ACTN4: variants seen among roughly 807,000 people sequenced by gnomAD.
ACTN4 encodes alpha-actinin-4.
Under a neutral mutation model 114.2 loss-of-function variants are expected in ACTN4, and 18 were observed. The ratio of observed to expected loss-of-function variants is 0.16; its 90% confidence interval spans 0.11 to 0.23. The LOEUF (loss-of-function observed/expected upper bound fraction) is 0.23, where lower values mean the gene tolerates loss of function less well. Among genes scored for constraint, ACTN4 ranks in the 10% least tolerant of loss-of-function variants. ACTN4 has a pLI of 1.00. For synonymous variants in ACTN4, 515 were observed against 506.3 expected (o/e 1.02, Z -0.23); for missense variants, 722 against 1,262.9 (o/e 0.57, Z 6.49).
At chr19:38,725,256 C>G (rs756877683) in intron 16 of ACTN4, among the ~76,000 whole-genome samples, 8 of 152,204 alleles carry the variant, frequency 5.3e-5, no homozygotes, top group Non-Finnish European at 5.9e-5. Context: ...GGGTGCCAGG[C>G]AGGTCAGCCC....
intron 1 of ACTN4, among the ~76,000 whole-genome samples, chr19:38,674,990 G>T (rs146292452): frequency 6.6e-6 from 1 of 152,170 alleles, no homozygotes; most frequent in Admixed American, 6.5e-5. Flanking sequence ...GCTGAATGAC[G>T]TATCTGGGGG....
intron 5 of ACTN4, 105 bp from the exon 6 acceptor site, chr19:38,708,012 A>C: frequency 8.5e-7 from 1 of 1,181,442 alleles, no homozygotes; most frequent in Non-Finnish European, 1.3e-6. Flanking sequence ...CACAGGCCAG[A>C]CTGCAGTGAA....
In ACTN4 at chr19:38,672,734, C is replaced by T. The variant is rs556868286; in HGVS notation, c.162+24827C>T. On this transcript the variant is annotated intron_variant, in intron 1 of 20. Transcript: ENST00000252699. ...GATAACAGGCATGTGCCACCACACC[C>T]GGCTAATTTTGTATTTTTAGTAGAG... Among the ~76,000 whole-genome samples the T allele has an allele frequency of 3.0e-4, 45 of 151,058 alleles. No individual in the cohort carries two copies. In the East Asian group the frequency reaches 4.3e-3, roughly 15 times the overall value.
intron 1 of ACTN4, among the ~76,000 whole-genome samples, chr19:38,666,376 C>T (rs1474712605): frequency 6.6e-6 from 1 of 152,254 alleles, no homozygotes; most frequent in South Asian, 2.1e-4. Context: ...GGGGGTGGGG[C>T]GGTGCAGCCT....
intron 13 of ACTN4, 75 bp from the exon 14 acceptor site, chr19:38,723,862 C>A: frequency 6.5e-7 from 1 of 1,543,788 alleles, no homozygotes; most frequent in Non-Finnish European, 8.9e-7. Flanking sequence ...GCCCTCTGGA[C>A]CCCTCCCCAC....
intron 1 of ACTN4, among the ~76,000 whole-genome samples, chr19:38,675,592 C>T (rs968532359): frequency 7.9e-5 from 12 of 152,200 alleles, no homozygotes; most frequent in African/African-American, 2.9e-4. Flanking sequence ...TCTTTGTGAA[C>T]ATCTTGAGCC....
At chr19:38,650,317 T>C (rs1419166478) in intron 1 of ACTN4, among the ~76,000 whole-genome samples, 1 of 152,124 alleles carries the variant, frequency 6.6e-6, no homozygotes, top group Non-Finnish European at 1.5e-5. Context: ...TTCGTGGTTA[T>C]AGTGTCCCTT....
chr19:38,717,102 G>C lies in ACTN4; in HGVS notation c.929G>C (p.Arg310Pro). 4 of 1,613,598 alleles carry C rather than the reference G, an allele frequency of 2.5e-6. No individual in the cohort carries two copies. The highest frequency in any genetic ancestry group is 3.4e-6 in the Non-Finnish European group (4 of 1,179,846). The change falls in exon 10 of 21, where the codon CGG becomes CCG. Residue 310 changes from arginine (R) to proline (P), a missense_variant. Arg to Pro is a moderately radical substitution (Grantham distance 103, BLOSUM62 -2). This residue lies in a region of ACTN4 where 523 missense variants were observed against 875.9 expected (regional missense o/e 0.60). Transcript: ENST00000252699. This position sits in a 1 kb window ranked among gnomAD's most constrained non-coding sequence, Gnocchi z 4.0. ...GGCCCACAGCTCCTGGAGTGGATCC[G>C]GCGCACCATCCCCTGGCTGGAGGAC... ...KLASDLLEWI[R>P]RTIPWLEDRV...
rs1976868764 is a variant in ACTN4, at chr19:38,660,996, G to A, written c.162+13089G>A. On this transcript the variant is annotated intron_variant, in intron 1 of 20. Coordinates refer to ENST00000252699, the MANE Select transcript of ACTN4 (RefSeq NM_004924.6). ...ACGGATGAGAAAGAGAGAACCAAGA[G>A]AGCACCAGAGGAACGCGCTTCCAAC... Among the ~76,000 whole-genome samples the A allele has an allele frequency of 1.3e-5, 2 of 152,150 alleles. 1 individual carries two copies. The highest frequency in any genetic ancestry group is 4.1e-4 in the South Asian group (2 of 4,828).
chr19:38,727,637 C>A lies in ACTN4; in HGVS notation c.2338-309C>A, dbSNP rs557301769. Among the ~76,000 whole-genome samples, 2 of 144,574 alleles carry A rather than the reference C, an allele frequency of 1.4e-5. No homozygotes were observed. The highest frequency in any genetic ancestry group is 5.2e-5 in the African/African-American group (2 of 38,828). The allele number at this position is 144,574 out of a possible 152,430, so 94.8% of individuals were successfully genotyped here. On this transcript the variant is annotated intron_variant, in intron 18 of 20. Transcript: ENST00000252699. This position sits in a 1 kb window ranked among gnomAD's most constrained non-coding sequence, Gnocchi z 5.4. ...CCAAAGGCAAGGAGAACCCCCCCCCCGACCCTCCACCAGTCCTGGGACTTG... is the reference window on the plus strand; with the variant it reads ...CCAAAGGCAAGGAGAACCCCCCCCCAGACCCTCCACCAGTCCTGGGACTTG...
chr19:38,728,372 A>C, intron 19 of ACTN4: 1 of 1,392,692 alleles, frequency 7.2e-7, no homozygotes, highest in Non-Finnish European at 9.6e-7. Context: ...TCTCCACAGG[A>C]TACAGCCTGG....
chr19:38,677,614 G>A (rs536003109), intron 1 of ACTN4, among the ~76,000 whole-genome samples: 23 of 45,462 alleles, frequency 5.1e-4, no homozygotes, highest in Non-Finnish European at 1.0e-3. Flanking sequence ...ATCTAAAAGT[G>A]TGCTCTGGAA....
At position 38,705,856 on chromosome 19, in the gene ACTN4, G is replaced by A. The variant is rs137956222; in HGVS notation, c.485-188G>A. On this transcript the variant is annotated intron_variant, in intron 4 of 20. Coordinates refer to ENST00000252699, the MANE Select transcript of ACTN4 (RefSeq NM_004924.6). ...TGTGTCCTGGCAGTTGGGCCTGGCA[G>A]CATCCGTCTGCATCCGGAATGGGAG... Among the ~76,000 whole-genome samples the A allele has an allele frequency of 5.6e-4, 86 of 152,348 alleles. No individual in the cohort carries two copies. In the East Asian group the frequency reaches 0.016, roughly 28 times the overall value.
chr19:38,690,231 C>T (rs752584976), intron 1 of ACTN4, among the ~76,000 whole-genome samples: 4 of 152,220 alleles, frequency 2.6e-5, no homozygotes, highest in Non-Finnish European at 4.4e-5. Context: ...TTCTGGTCCA[C>T]GTTTGTTTTG....
chr19:38,693,248 C>T (rs1002083998), intron 1 of ACTN4, among the ~76,000 whole-genome samples: 13 of 152,166 alleles, frequency 8.5e-5, no homozygotes, highest in Admixed American at 7.9e-4. Context: ...TCATGTGCTA[C>T]ACAGTGCAGA....
At chr19:38,711,835 C>T (rs531874200) in intron 8 of ACTN4, among the ~76,000 whole-genome samples, 7 of 152,366 alleles carry the variant, frequency 4.6e-5, no homozygotes, top group South Asian at 2.1e-4. Context: ...CCTGCACTCA[C>T]GGTCCCAGCC....
rs1969256447 is a variant in ACTN4 at position 38,726,998 on chromosome 19, C to T, written c.2232C>T (p.Ala744=). 1.2e-6 allele frequency: 2 copies of T among 1,614,110 alleles called. No homozygotes were observed. Among genetic ancestry groups the T allele is most frequent in the Non-Finnish European group, 1.7e-6 (2 of 1,180,016 alleles). The stretch of plus-strand genomic sequence containing the variant: ...GGGAGCAGCTGCTCACCACCATTGC[C>T]CGCACCATCAACGAGGTGGAGAACC... ...VGWEQLLTTI[A]RTINEVENQI... Residue 744 remains alanine, a synonymous_variant, in exon 18 of 21, where the codon GCC becomes GCT. Coordinates refer to ENST00000252699, the MANE Select transcript of ACTN4 (RefSeq NM_004924.6).
intron 1 of ACTN4, among the ~76,000 whole-genome samples, chr19:38,657,953 G>T (rs1235741554): frequency 6.6e-6 from 1 of 152,162 alleles, no homozygotes; most frequent in Non-Finnish European, 1.5e-5. Context: ...GTGAGTAAAA[G>T]GTATTTAGTT....
chr19:38,718,332 G>A, intron 11 of ACTN4: 1 of 656,888 alleles, frequency 1.5e-6, no homozygotes, highest in Admixed American at 2.2e-5. Context: ...TTTGAGACCA[G>A]CCTGGGCAAC....
Sources: gnomAD v4.1 joint callset for allele counts (sites outside exome capture counted in the v4.1 genomes callset) on GRCh38, gnomAD v4.1.1 for gene constraint, gnomAD v4.1.1 regional missense constraint, Gnocchi (gnomAD v3.1) non-coding constraint, MANE v1.5 for transcripts, NCBI Gene and HGNC (gene_info 2026-07-23, HGNC 2026-07-21) for gene names.